TAF1: variants seen among roughly 807,000 people sequenced by gnomAD.
TAF1 encodes the protein transcription initiation factor TFIID subunit 1.
In TAF1, 2 loss-of-function variants were observed where a neutral mutation model predicts 138.5. The observed-to-expected ratio is 0.01, with a 90% CI of 0.01 to 0.05. The LOEUF (loss-of-function observed/expected upper bound fraction) is 0.05. Ranked by LOEUF, TAF1 falls within the 10% of genes least tolerant of loss-of-function variation. The pLI is 1.00. For missense variants in TAF1, 709 were observed against 1,478.0 expected, an observed-to-expected ratio of 0.48 and a Z score of 8.53; for synonymous variants, 437 against 503.2, an observed-to-expected ratio of 0.87 and a Z score of 1.76.
intron 12 of TAF1, among the ~76,000 whole-genome samples, chrX:71,383,391 G>A (rs910538254): frequency 2.7e-5 from 3 of 112,163 alleles, no homozygotes; most frequent in Non-Finnish European, 5.6e-5. Context: ...GTCCAGCAAA[G>A]TCTATAGAAA....
At chrX:71,479,164 T>C (rs1234776483) in intron 13 of TAF1, among the ~76,000 whole-genome samples, 2 of 112,675 alleles carry the variant, frequency 1.8e-5, no homozygotes, top group African/African-American at 3.2e-5. Context: ...GATACAAATA[T>C]CAACATAGAT....
intron 19 of TAF1, 39 bp from the exon 20 acceptor site, chrX:71,392,836 C>A (rs780536478): frequency 4.1e-5 from 49 of 1,204,005 alleles, no homozygotes; most frequent in Non-Finnish European, 4.1e-5. Flanking sequence ...AAAAGGAATT[C>A]AGGTTTTTAG....
intron 32 of TAF1, among the ~76,000 whole-genome samples, chrX:71,429,712 A>G (rs2036781767): frequency 9.0e-6 from 1 of 111,635 alleles, no homozygotes; most frequent in Non-Finnish European, 1.9e-5. Flanking sequence ...AACTATTGAC[A>G]GCATTCCCAG....
intron 13 of TAF1, among the ~76,000 whole-genome samples, chrX:71,472,249 A>G (rs778829919): frequency 8.9e-6 from 1 of 112,027 alleles, no homozygotes; most frequent in South Asian, 3.7e-4. Context: ...CCTTGGCTTA[A>G]TAGTTTATTG....
chrX:71,404,600 G>A (rs2035357273), intron 25 of TAF1, among the ~76,000 whole-genome samples: 2 of 111,620 alleles, frequency 1.8e-5, no homozygotes, highest in South Asian at 7.3e-4. Flanking sequence ...ACCTCCCAAA[G>A]TGCTGAGATT....
At chrX:71,491,782 C>A (rs2039290933) in intron 13 of TAF1, 1 of 108,459 alleles carries the variant, frequency 9.2e-6, no homozygotes, top group South Asian at 4.1e-4. Context: ...CTGCCTCAGC[C>A]TCCCGAATAG....
At chrX:71,476,896 A>G (rs775079878) in intron 13 of TAF1, among the ~76,000 whole-genome samples, 1 of 110,946 alleles carries the variant, frequency 9.0e-6, no homozygotes, top group South Asian at 3.8e-4. Context: ...CGCAAAAATC[A>G]ATCTAGATGG....
At chrX:71,405,791 G>C (rs1264794807) in intron 25 of TAF1, among the ~76,000 whole-genome samples, 1 of 111,704 alleles carries the variant, frequency 9.0e-6, no homozygotes, top group Non-Finnish European at 1.9e-5. Flanking sequence ...AGGATCACTT[G>C]AGCTCAGGAG....
intron 13 of TAF1, among the ~76,000 whole-genome samples, chrX:71,488,288 G>A (rs1386405084): frequency 1.0e-5 from 1 of 96,198 alleles, no homozygotes. Context: ...CTTTTGCCCA[G>A]GGTGGAGTGC....
At chrX:71,436,405 C>T (rs185796883) in intron 32 of TAF1, among the ~76,000 whole-genome samples, 100 of 108,646 alleles carry the variant, frequency 9.2e-4, no homozygotes, top group African/African-American at 3.2e-3. Context: ...TTAGTAGAGA[C>T]GGGGTTTCAC....
chrX:71,523,546 ATATAT>A (rs1167901597), intron 13 of TAF1, among the ~76,000 whole-genome samples: 7 of 112,238 alleles, frequency 6.2e-5, no homozygotes, highest in Admixed American at 1.9e-4. Flanking sequence ...ATTTCTTTAA[ATATAT>A]TATGGCTATA....
intron 32 of TAF1, among the ~76,000 whole-genome samples, chrX:71,444,841 C>G (rs772676477): frequency 9.0e-6 from 1 of 110,539 alleles, no homozygotes; most frequent in South Asian, 3.8e-4. Context: ...TCATGCCATT[C>G]TCCTGCCTCA....
chrX:71,407,903 T>C (rs912334366), intron 27 of TAF1, 71 bp from the exon 28 acceptor site: 21 of 1,143,699 alleles, frequency 1.8e-5, no homozygotes, highest in Admixed American at 5.1e-5. Flanking sequence ...ATAGGTAAGA[T>C]GTGAAAGTCT....
chrX:71,480,696 C>G lies in TAF1; in HGVS notation c.1366+19893C>G, dbSNP rs771145416. On this transcript the variant is annotated intron_variant and NMD_transcript_variant, in intron 13 of 14. Coordinates refer to the TAF1 transcript ENST00000373775. ...AGGTGGTGATAAGTACTATAAAGAA[C>G]ACTAAAGTAATATAATGGTATAAAG... 1.8e-4 allele frequency among the ~76,000 whole-genome samples: 20 copies of G among 111,638 alleles called. No homozygotes were observed. The East Asian group carries it at 5.3e-3, about 30-fold the overall frequency.
chrX:71,524,931 ACT>A (rs2039972859), intron 13 of TAF1, among the ~76,000 whole-genome samples: 2 of 93,104 alleles, frequency 2.1e-5, no homozygotes, highest in African/African-American at 8.2e-5. Context: ...ACAGAGTGAG[ACT>A]CTGTCTCAAA....
chrX:71,400,095 T>G (rs770909437), intron 24 of TAF1, among the ~76,000 whole-genome samples: 58 of 107,337 alleles, frequency 5.4e-4, no homozygotes, highest in African/African-American at 1.8e-3. Flanking sequence ...TTTTTGTTTG[T>G]TTGGTTTTTT....
At chrX:71,430,162 C>T (rs951805385) in intron 32 of TAF1, among the ~76,000 whole-genome samples, 5 of 111,037 alleles carry the variant, frequency 4.5e-5, no homozygotes, top group Non-Finnish European at 7.6e-5. Flanking sequence ...GGGCGGATCA[C>T]GAGGTCAGGA....
downstream of TAF1, among the ~76,000 whole-genome samples, chrX:71,468,986 T>TCAAAA (rs760914198): frequency 2.6e-4 from 29 of 111,284 alleles, no homozygotes; most frequent in Non-Finnish European, 4.5e-4. Context: ...AGACCCTATG[T>TCAAAA]CAAAACAAAA....
chrX:71,461,805 CAT>C (rs1348219511), intron 37 of TAF1, among the ~76,000 whole-genome samples: 1 of 111,681 alleles, frequency 9.0e-6, no homozygotes, highest in Non-Finnish European at 1.9e-5. Context: ...AACAGGCAAT[CAT>C]AGTGTAATAT....
Sources: allele counts gnomAD v4.1 joint callset (sites outside exome capture counted in the v4.1 genomes callset), GRCh38; gene constraint gnomAD v4.1.1; transcripts MANE v1.5; gene names NCBI Gene and HGNC (gene_info 2026-07-23, HGNC 2026-07-21).